ITGA8: variants seen among roughly 807,000 people sequenced by gnomAD.
ITGA8 encodes the protein integrin alpha-8.
Under a neutral mutation model 142.3 loss-of-function variants are expected in ITGA8, and 91 were observed. The ratio of observed to expected loss-of-function variants is 0.64; its 90% CI spans 0.54 to 0.76. The LOEUF is 0.76. Among genes scored for constraint, ITGA8 ranks in the 30% least tolerant of loss-of-function variants. ITGA8 has a pLI of 0.00. For synonymous variants in ITGA8, 505 were observed against 485.2 expected, an observed-to-expected ratio of 1.04 and a Z score of -0.54; for missense variants, 1,406 against 1,327.7, an observed-to-expected ratio of 1.06 and a Z score of -0.92.
At chr10:15,577,442 C>T (rs1415589099) in intron 23 of ITGA8, among the ~76,000 whole-genome samples, 2 of 152,116 alleles carry the variant, frequency 1.3e-5, no homozygotes. Flanking sequence ...ATATAAAATG[C>T]ACCATGGGGG....
At chr10:15,633,826 T>C (rs1012740416) in intron 13 of ITGA8, among the ~76,000 whole-genome samples, 4 of 152,194 alleles carry the variant, frequency 2.6e-5, no homozygotes, top group Admixed American at 1.3e-4. Flanking sequence ...TAATTCACAA[T>C]GTTGTATCCC....
Position 15,718,795 on chromosome 10 carries a change from T to G in ITGA8, c.314A>C (p.Gln105Pro), listed in dbSNP as rs1835500924. 6.2e-7 allele frequency: 1 copy of G among 1,614,146 alleles called. No individual in the cohort carries two copies. Among genetic ancestry groups the G allele is most frequent in the Admixed American group, 1.7e-5 (1 of 60,026 alleles). ...YCPWPAEGSA[Q>P]CRQIPFDTTN... Reference sequence around the variant, plus strand: ...GGTGTCAAACGGTATCTGCCTGCACTGCGCAGACCCCTCCGCGGGCCAAGG... The same window carrying G: ...GGTGTCAAACGGTATCTGCCTGCACGGCGCAGACCCCTCCGCGGGCCAAGG... The change falls in exon 2 of 30, where the codon CAG (glutamine) becomes CCG (proline). Residue 105 changes from glutamine (Q) to proline (P), a missense_variant. Transcript: ENST00000378076.
chr10:15,656,714 T>G (rs912221093), intron 10 of ITGA8, among the ~76,000 whole-genome samples: 1 of 152,144 alleles, frequency 6.6e-6, no homozygotes, highest in African/African-American at 2.4e-5. Context: ...GTTTTTGGAT[T>G]TATAATCTTT....
At chr10:15,689,609 T>G (rs1210030462) in intron 2 of ITGA8, among the ~76,000 whole-genome samples, 3 of 152,164 alleles carry the variant, frequency 2.0e-5, no homozygotes, top group Non-Finnish European at 4.4e-5. Context: ...GGAGCTCACT[T>G]TGTACCCCAC....
At chr10:15,698,216 AG>A (rs767840272) in intron 2 of ITGA8, among the ~76,000 whole-genome samples, 2 of 152,202 alleles carry the variant, frequency 1.3e-5, no homozygotes, top group Non-Finnish European at 2.9e-5. Context: ...AATTCCATCC[AG>A]GTTGCTGAGA....
At chr10:15,678,576 A>G (rs1834676388) in intron 5 of ITGA8, 146 bp downstream of exon 5, 1 of 506,740 alleles carries the variant, frequency 2.0e-6, no homozygotes, top group East Asian at 3.1e-5. Context: ...TTTTTTAGAA[A>G]GCATTTGCCC....
At chr10:15,630,009 A>C (rs1051420302) in intron 13 of ITGA8, among the ~76,000 whole-genome samples, 4 of 152,070 alleles carry the variant, frequency 2.6e-5, no homozygotes, top group African/African-American at 9.7e-5. Context: ...TGCATCCTTA[A>C]GTTTGGCAAA....
At chr10:15,716,820 G>C (rs947272106) in intron 2 of ITGA8, among the ~76,000 whole-genome samples, 2 of 151,886 alleles carry the variant, frequency 1.3e-5, no homozygotes, top group African/African-American at 4.8e-5. Context: ...ACACCCTTAG[G>C]CCCGGCTGAT....
intron 8 of ITGA8, among the ~76,000 whole-genome samples, chr10:15,669,266 A>G (rs578008773): frequency 2.6e-5 from 4 of 151,758 alleles, no homozygotes; most frequent in African/African-American, 9.7e-5. Flanking sequence ...CATTTCATTC[A>G]TTTTGTCTTC....
chr10:15,616,487 A>G, intron 14 of ITGA8, 27 bp downstream of exon 14: 1 of 1,554,224 alleles, frequency 6.4e-7, no homozygotes. Context: ...CAATGAGAAA[A>G]ACATTTGAAT....
chr10:15,705,004 G>GTTAT (rs148990517), intron 2 of ITGA8, among the ~76,000 whole-genome samples: 1 of 151,710 alleles, frequency 6.6e-6, no homozygotes, highest in Non-Finnish European at 1.5e-5. Context: ...TGTTGTTGTT[G>GTTAT]TTGTTTGTTT....
In ITGA8 at chr10:15,687,596, T is replaced by A. The variant is rs534407741; in HGVS notation, c.444+342A>T. 4.6e-5 allele frequency among the ~76,000 whole-genome samples: 7 copies of A among 152,272 alleles called. No homozygotes were observed. The South Asian group carries it at 1.0e-3, about 23-fold the overall frequency. Reference sequence around the variant, plus strand: ...TAACTTAGCATCCTTATGGGAATAGTCCCATTTTTCTGGTCAGATTTTAAG... The same window carrying A: ...TAACTTAGCATCCTTATGGGAATAGACCCATTTTTCTGGTCAGATTTTAAG... On this transcript the variant is annotated intron_variant, in intron 3 of 29. Transcript: ENST00000378076.
intron 11 of ITGA8, among the ~76,000 whole-genome samples, chr10:15,647,987 T>C (rs1834018053): frequency 6.6e-6 from 1 of 152,214 alleles, no homozygotes; most frequent in East Asian, 1.9e-4. Flanking sequence ...TCAAGAGATA[T>C]TCAAGCAAAT....
Position 15,677,641 on chromosome 10 carries a change from C to T in ITGA8, c.631-4G>A, listed in dbSNP as rs1834656617. ...CTCCCACAATAAGGTCTCCATTCTA[C>T]AAAACAGAAACAGCAACAGCAACCA... On this transcript the variant is annotated splice_polypyrimidine_tract_variant and splice_region_variant and intron_variant, in intron 5 of 29. Coordinates refer to ENST00000378076, the MANE Select transcript of ITGA8 (RefSeq NM_003638.3). The T allele has an allele frequency of 6.2e-7, 1 of 1,612,216 alleles. No homozygotes were observed. The highest frequency in any genetic ancestry group is 8.5e-7 in the Non-Finnish European group (1 of 1,179,110).
chr10:15,633,919 G>A (rs1039242361), intron 13 of ITGA8, among the ~76,000 whole-genome samples: 1 of 152,116 alleles, frequency 6.6e-6, no homozygotes, highest in African/African-American at 2.4e-5. Flanking sequence ...TATGGCCTTC[G>A]GCAGTTTTCT....
In ITGA8 at chr10:15,592,827, C is replaced by T. The variant is rs549177260; in HGVS notation, c.2212-523G>A. ...GTCTGGTCTTGAACTCCTGATTTCA[C>T]GCAATTCTCCTGCCTTGGCCTCCCA... On this transcript the variant is annotated intron_variant, in intron 21 of 29. Transcript: ENST00000378076. 9.2e-5 allele frequency among the ~76,000 whole-genome samples: 14 copies of T among 152,118 alleles called. 1 individual carries two copies. Among genetic ancestry groups the T allele is most frequent in the South Asian group, 2.1e-4 (1 of 4,828 alleles).
rs534866540 is a variant in ITGA8, at chr10:15,653,499, C to T, written c.1001+1855G>A. Among the ~76,000 whole-genome samples the T allele has an allele frequency of 3.9e-4, 60 of 152,162 alleles. 1 individual carries two copies. Among genetic ancestry groups the T allele is most frequent in the Non-Finnish European group, 6.5e-4 (44 of 68,034 alleles). The stretch of plus-strand genomic sequence containing the variant: ...TCCAATCAATAAGCCTACATTCATA[C>T]GTCATTATCAACCAAAGGCCATGGT... On this transcript the variant is annotated intron_variant, in intron 11 of 29. Transcript: ENST00000378076.
At chr10:15,618,580 G>T (rs569516093) in intron 13 of ITGA8, among the ~76,000 whole-genome samples, 2 of 152,284 alleles carry the variant, frequency 1.3e-5, no homozygotes, top group South Asian at 4.1e-4. Flanking sequence ...TAACATTTGG[G>T]TCAGTGGACT....
At chr10:15,597,124 A>C in intron 21 of ITGA8, 83 bp downstream of exon 21, 1 of 1,056,248 alleles carries the variant, frequency 9.5e-7, no homozygotes, top group Non-Finnish European at 1.5e-6. Flanking sequence ...TGAGTTGCTG[A>C]GTGGTAACTG....
Sources: gnomAD v4.1 joint callset for allele counts (sites outside exome capture counted in the v4.1 genomes callset) on GRCh38, gnomAD v4.1.1 for gene constraint, MANE v1.5 for transcripts, NCBI Gene and HGNC (gene_info 2026-07-23, HGNC 2026-07-21) for gene names.